Variants in SPOCK3 observed in about 807,000 individuals in gnomAD.
SPOCK3 encodes testican-3.
In SPOCK3, 30 loss-of-function variants were observed where a neutral mutation model predicts 56.6. The ratio of observed to expected loss-of-function variants is 0.53; its 90% CI spans 0.40 to 0.72. The LOEUF (loss-of-function observed/expected upper bound fraction) is 0.72, where lower values mean the gene tolerates loss of function less well. Ranked by LOEUF, SPOCK3 falls within the 30% of genes least tolerant of loss-of-function variation. The pLI is 0.00. For missense variants in SPOCK3, 527 were observed against 530.0 expected (o/e 0.99, Z 0.06); for synonymous variants, 196 against 183.3 (o/e 1.07, Z -0.56).
At chr4:166,775,475 C>A (rs1196789599) in intron 7 of SPOCK3, among the ~76,000 whole-genome samples, 2 of 151,978 alleles carry the variant, frequency 1.3e-5, no homozygotes, top group African/African-American at 4.8e-5. Context: ...GTTTGAAATG[C>A]CTGTTGAACT....
rs549742438 is a variant in SPOCK3 at position 166,775,576 on chromosome 4, ATTT to A, written c.709+16591_709+16593del. 1.4e-4 allele frequency among the ~76,000 whole-genome samples: 22 copies of A among 152,310 alleles called. No homozygotes were observed. The South Asian group carries it at 4.6e-3, about 32-fold the overall frequency. On this transcript the variant is annotated intron_variant, in intron 7 of 10. Transcript: ENST00000357545. ...TTTGAAGATCATCTGTATATGGCTG[ATTT>A]TCTAAATGGGATACTGAACAAAATC...
rs1197109209 is a variant in SPOCK3, at chr4:167,082,888, TGAGAGAGAGAGAAAGA to T, written c.190-20367_190-20352del. Among the ~76,000 whole-genome samples, 2 of 149,504 alleles carry T rather than the reference TGAGAGAGAGAGAAAGA, an allele frequency of 1.3e-5. 1 individual carries two copies. Among genetic ancestry groups the T allele is most frequent in the South Asian group, 4.2e-4 (2 of 4,714 alleles). ...GAGTAATAAAGAGAGAGAATGGGTATGAGAGAGAGAGAAAGAGAGAGAGAGAGAAAGGCCAACCGTG... is the reference window on the plus strand; with the variant it reads ...GAGTAATAAAGAGAGAGAATGGGTATGAGAGAGAGAGAAAGGCCAACCGTG... On this transcript the variant is annotated intron_variant, in intron 2 of 10. Coordinates refer to ENST00000357545, the MANE Select transcript of SPOCK3 (RefSeq NM_001040159.2).
At chr4:167,002,389 A>T (rs543581949) in intron 3 of SPOCK3, among the ~76,000 whole-genome samples, 3,735 of 152,300 alleles carry the variant, frequency 0.025, 162 homozygotes, top group African/African-American at 0.085. Context: ...GATTTAAAAT[A>T]AAGAATGTTA....
chr4:167,203,724 A>C (rs1235641918), intron 2 of SPOCK3, among the ~76,000 whole-genome samples: 1 of 152,112 alleles, frequency 6.6e-6, no homozygotes. Flanking sequence ...AGTAAAAATA[A>C]AGAAAAAGAG....
intron 6 of SPOCK3, among the ~76,000 whole-genome samples, chr4:166,864,079 G>A (rs182237659): frequency 1.1e-4 from 16 of 151,004 alleles, no homozygotes; most frequent in South Asian, 4.2e-4. Context: ...AATTGTAACC[G>A]TCTCTCAGAC....
intron 4 of SPOCK3, among the ~76,000 whole-genome samples, chr4:166,936,975 G>A (rs973927279): frequency 6.6e-6 from 1 of 151,844 alleles, no homozygotes; most frequent in Non-Finnish European, 1.5e-5. Context: ...TTGATAATGG[G>A]TTATTTACAA....
chr4:167,160,446 C>G (rs1380783441), intron 2 of SPOCK3, among the ~76,000 whole-genome samples: 2 of 152,032 alleles, frequency 1.3e-5, no homozygotes, highest in African/African-American at 2.4e-5. Flanking sequence ...GAATCAATAT[C>G]GTGAAGATGG....
intron 6 of SPOCK3, among the ~76,000 whole-genome samples, chr4:166,840,147 C>T (rs61478178): frequency 0.045 from 6,881 of 152,268 alleles, 498 homozygotes; most frequent in African/African-American, 0.15. Context: ...TCATTATCTC[C>T]AGCGGAAGTG....
intron 5 of SPOCK3, among the ~76,000 whole-genome samples, chr4:166,899,471 A>G (rs937566251): frequency 6.7e-6 from 1 of 150,350 alleles, no homozygotes; most frequent in Admixed American, 6.6e-5. Context: ...ATAAACTCTA[A>G]CAAAGTTTGG....
At chr4:166,881,227 T>A (rs1733653052) in intron 6 of SPOCK3, among the ~76,000 whole-genome samples, 1 of 151,970 alleles carries the variant, frequency 6.6e-6, no homozygotes, top group South Asian at 2.1e-4. Flanking sequence ...TAATTGCATT[T>A]TTTTTCCTTT....
rs548838872 is a variant in SPOCK3 at position 166,958,255 on chromosome 4, G to A, written c.350+42094C>T. Reference sequence around the variant, plus strand: ...TTGCTCTCTTGATCCTGCTTTCTCCGTGTGATGAGCCTGCTCCCCCTCTGC... The same window carrying A: ...TTGCTCTCTTGATCCTGCTTTCTCCATGTGATGAGCCTGCTCCCCCTCTGC... On this transcript the variant is annotated intron_variant, in intron 4 of 10. Transcript: ENST00000357545. 2.0e-5 allele frequency among the ~76,000 whole-genome samples: 3 copies of A among 152,180 alleles called. No individual in the cohort carries two copies. The East Asian group carries it at 5.8e-4, about 29-fold the overall frequency.
chr4:167,108,993 T>TATATAA lies in SPOCK3; in HGVS notation c.190-46457_190-46456insTTATAT, dbSNP rs1491190680. On this transcript the variant is annotated intron_variant, in intron 2 of 10. Transcript: ENST00000357545. ...TATATAAATATTATAAATATATATT[T>TATATAA]ATATATATATAAATATATACTTATA... Among the ~76,000 whole-genome samples, 17 of 5,702 alleles carry TATATAA rather than the reference T, an allele frequency of 3.0e-3. 2 individuals are homozygous for TATATAA. Among genetic ancestry groups the TATATAA allele is most frequent in the African/African-American group, 8.0e-3 (16 of 2,006 alleles). 3.7% of individuals were successfully genotyped at this position (5,702 alleles called of 152,430 possible).
At chr4:167,035,276 T>G (rs567643887) in intron 3 of SPOCK3, among the ~76,000 whole-genome samples, 2 of 152,114 alleles carry the variant, frequency 1.3e-5, no homozygotes, top group African/African-American at 2.4e-5. Context: ...GTCGTGAGTT[T>G]TGCTGTATGC....
intron 2 of SPOCK3, among the ~76,000 whole-genome samples, chr4:167,094,790 A>C (rs947232447): frequency 1.3e-5 from 2 of 152,156 alleles, no homozygotes; most frequent in African/African-American, 4.8e-5. Flanking sequence ...ACATTGTCAT[A>C]GAATAACAAA....
At chr4:167,144,723 G>GAA (rs60489300) in intron 2 of SPOCK3, among the ~76,000 whole-genome samples, 36,656 of 141,554 alleles carry the variant, frequency 0.26, 5,381 homozygotes, top group Middle Eastern at 0.37. Flanking sequence ...AGATATCTAG[G>GAA]AAAAAAAAAA....
chr4:167,095,474 A>C (rs1759071236), intron 2 of SPOCK3, among the ~76,000 whole-genome samples: 1 of 152,056 alleles, frequency 6.6e-6, no homozygotes, highest in Non-Finnish European at 1.5e-5. Context: ...AACAAATTAC[A>C]AAAATTAGAG....
At chr4:167,081,421 G>T (rs1054369293) in intron 2 of SPOCK3, among the ~76,000 whole-genome samples, 1 of 152,026 alleles carries the variant, frequency 6.6e-6, no homozygotes. Flanking sequence ...TGGCTCTCCT[G>T]TTAACATTGT....
At chr4:166,871,975 C>T (rs1026040759) in intron 6 of SPOCK3, among the ~76,000 whole-genome samples, 1 of 150,996 alleles carries the variant, frequency 6.6e-6, no homozygotes, top group Admixed American at 6.6e-5. Flanking sequence ...AAGTTTAATA[C>T]CCACTCTTGA....
intron 3 of SPOCK3, among the ~76,000 whole-genome samples, chr4:167,045,535 C>T (rs1307192386): frequency 6.6e-6 from 1 of 151,796 alleles, no homozygotes; most frequent in Non-Finnish European, 1.5e-5. Flanking sequence ...TTTCTCATTT[C>T]ATAGAATATT....
Sources: gnomAD v4.1 joint callset for allele counts (sites outside exome capture counted in the v4.1 genomes callset) on GRCh38, gnomAD v4.1.1 for gene constraint, MANE v1.5 for transcripts, NCBI Gene and HGNC (gene_info 2026-07-23, HGNC 2026-07-21) for gene names.